ST6GALNAC3: variants seen among roughly 807,000 people sequenced by gnomAD.
The protein encoded by ST6GALNAC3 is alpha-N-acetylgalactosaminide alpha-2,6-sialyltransferase 3.
Under a neutral mutation model 32.7 loss-of-function variants are expected in ST6GALNAC3, and 25 were observed. The observed-to-expected ratio is 0.76, with a 90% CI of 0.56 to 1.07. The LOEUF is 1.07. Among genes scored for constraint, ST6GALNAC3 ranks in the 50% least tolerant of loss-of-function variants. ST6GALNAC3 has a pLI of 0.00. For missense variants in ST6GALNAC3, 355 were observed against 382.4 expected (o/e 0.93, Z 0.60); for synonymous variants, 129 against 133.1 (o/e 0.97, Z 0.21).
chr1:76,455,605 A>C (rs1657717745), intron 3 of ST6GALNAC3, among the ~76,000 whole-genome samples: 1 of 152,176 alleles, frequency 6.6e-6, no homozygotes, highest in African/African-American at 2.4e-5. Context: ...GTTGAAAACC[A>C]ATTCTCCATT....
chr1:76,425,473 C>T (rs528700119), intron 3 of ST6GALNAC3, among the ~76,000 whole-genome samples: 43 of 151,986 alleles, frequency 2.8e-4, no homozygotes, highest in African/African-American at 1.0e-3. Context: ...CAGTCTTTTA[C>T]AAACATTCCT....
At chr1:76,279,909 G>A (rs1044712218) in intron 1 of ST6GALNAC3, among the ~76,000 whole-genome samples, 3 of 152,226 alleles carry the variant, frequency 2.0e-5, no homozygotes. Context: ...GAGGAGTTCT[G>A]TGTTTGTGTT....
At chr1:76,307,999 TA>T in intron 1 of ST6GALNAC3, 1 of 437,690 alleles carries the variant, frequency 2.3e-6, no homozygotes, top group South Asian at 1.7e-5. Flanking sequence ...GATTAAATTC[TA>T]AATGTCTCAG....
intron 1 of ST6GALNAC3, among the ~76,000 whole-genome samples, chr1:76,098,346 C>T (rs1241271086): frequency 6.6e-6 from 1 of 152,070 alleles, no homozygotes; most frequent in Non-Finnish European, 1.5e-5. Context: ...ACAATTTTTC[C>T]TGATGGTAGA....
chr1:76,453,254 A>G (rs1657535023), intron 3 of ST6GALNAC3, among the ~76,000 whole-genome samples: 1 of 150,288 alleles, frequency 6.7e-6, no homozygotes, highest in Non-Finnish European at 1.5e-5. Context: ...TATCTTTTGT[A>G]TTTTTTTTGT....
intron 1 of ST6GALNAC3, among the ~76,000 whole-genome samples, chr1:76,185,211 G>A (rs936349621): frequency 3.9e-5 from 6 of 152,030 alleles, no homozygotes; most frequent in African/African-American, 1.2e-4. Flanking sequence ...AGTGCTTCTC[G>A]ACATTTTGAG....
At chr1:76,298,978 T>C (rs1660572536) in intron 1 of ST6GALNAC3, among the ~76,000 whole-genome samples, 1 of 152,058 alleles carries the variant, frequency 6.6e-6, no homozygotes, top group African/African-American at 2.4e-5. Context: ...TGCTCACCTA[T>C]TTTACTCAGG....
At chr1:76,136,700 A>G (rs1438104129) in intron 1 of ST6GALNAC3, among the ~76,000 whole-genome samples, 5 of 152,212 alleles carry the variant, frequency 3.3e-5, no homozygotes, top group Non-Finnish European at 7.3e-5. Flanking sequence ...GCATCTCTAG[A>G]GCATGGCAAC....
chr1:76,618,492 T>C (rs969538546), intron 3 of ST6GALNAC3, among the ~76,000 whole-genome samples: 2 of 152,186 alleles, frequency 1.3e-5, no homozygotes, highest in Non-Finnish European at 2.9e-5. Context: ...GTCTAGTACA[T>C]ATAAATGCTC....
chr1:76,085,207 C>T (rs2100732777), intron 1 of ST6GALNAC3, among the ~76,000 whole-genome samples: 1 of 152,312 alleles, frequency 6.6e-6, no homozygotes, highest in East Asian at 1.9e-4. Context: ...GCTTATTCAC[C>T]ATATCTGCTT....
At chr1:76,518,316 T>G (rs1189282048) in intron 3 of ST6GALNAC3, among the ~76,000 whole-genome samples, 1 of 152,090 alleles carries the variant, frequency 6.6e-6, no homozygotes, top group Non-Finnish European at 1.5e-5. Flanking sequence ...CATGTAATTA[T>G]GATTCTAGTA....
rs1649154712 is a variant in ST6GALNAC3, at chr1:76,628,979, T to C, written c.*173T>C. ...CTCTGCTAGTAATTTAAACTTGGCA[T>C]TTCATGGAGGATGGTTGTGCTCATG... On this transcript the variant is annotated 3_prime_UTR_variant, in exon 5 of 5. Coordinates refer to ENST00000328299, the MANE Select transcript of ST6GALNAC3 (RefSeq NM_152996.4). The C allele has an allele frequency of 7.1e-7, 1 of 1,412,124 alleles. No homozygotes were observed. The highest frequency in any genetic ancestry group is 9.2e-7 in the Non-Finnish European group (1 of 1,091,032). 87.5% of individuals were successfully genotyped at this position (1,412,124 alleles called of 1,614,324 possible). A position where few individuals can be genotyped will look rare whatever the true frequency, so the allele number is the denominator to read the frequency against.
intron 3 of ST6GALNAC3, among the ~76,000 whole-genome samples, chr1:76,526,125 C>A (rs1481987463): frequency 1.3e-5 from 2 of 151,806 alleles, no homozygotes; most frequent in African/African-American, 4.8e-5. Flanking sequence ...TGAAGACTCA[C>A]CTTCCCTACT....
chr1:76,583,572 T>C (rs1646920672), intron 3 of ST6GALNAC3, among the ~76,000 whole-genome samples: 1 of 152,310 alleles, frequency 6.6e-6, no homozygotes, highest in East Asian at 1.9e-4. Context: ...ATGTCATGAC[T>C]TCTAGTGATT....
intron 1 of ST6GALNAC3, among the ~76,000 whole-genome samples, chr1:76,080,064 T>C (rs1420738073): frequency 6.6e-6 from 1 of 152,172 alleles, no homozygotes; most frequent in Non-Finnish European, 1.5e-5. Context: ...CTAAGTGAGA[T>C]TATAGACTCA....
rs1041747161 is a variant in ST6GALNAC3 at position 76,194,145 on chromosome 1, A to T, written c.18+119261A>T. Among the ~76,000 whole-genome samples, 6 of 152,202 alleles carry T rather than the reference A, an allele frequency of 3.9e-5. No individual in the cohort carries two copies. The East Asian group carries it at 1.2e-3, about 29-fold the overall frequency. On this transcript the variant is annotated intron_variant, in intron 1 of 4. Coordinates refer to ENST00000328299, the MANE Select transcript of ST6GALNAC3 (RefSeq NM_152996.4). ...CAGGGAGCTTTCTCAAGGTCACATG[A>T]GTAAGTGAACAAGCTGGGGCAAGGT...
intron 3 of ST6GALNAC3, among the ~76,000 whole-genome samples, chr1:76,514,025 C>T (rs1445868195): frequency 6.6e-6 from 1 of 152,132 alleles, no homozygotes; most frequent in Non-Finnish European, 1.5e-5. Flanking sequence ...TGTGACTTCA[C>T]TGAATTCATT....
At chr1:76,548,843 G>T (rs1664450772) in intron 3 of ST6GALNAC3, among the ~76,000 whole-genome samples, 1 of 152,032 alleles carries the variant, frequency 6.6e-6, no homozygotes, top group African/African-American at 2.4e-5. Context: ...ACCATGATTT[G>T]TAGTTGTACA....
intron 3 of ST6GALNAC3, among the ~76,000 whole-genome samples, chr1:76,542,157 A>T (rs1166112937): frequency 6.6e-6 from 1 of 152,180 alleles, no homozygotes; most frequent in East Asian, 1.9e-4. Context: ...TCATATCTGG[A>T]TACTTTAATC....
Sources: allele counts gnomAD v4.1 joint callset (sites outside exome capture counted in the v4.1 genomes callset), GRCh38; gene constraint gnomAD v4.1.1; transcripts MANE v1.5; gene names NCBI Gene and HGNC (gene_info 2026-07-23, HGNC 2026-07-21).